The following DLGAP2 variants were observed in gnomAD, a reference collection of about 807,000 sequenced individuals.
DLGAP2 encodes the protein DLG associated protein 2.
Under a neutral mutation model 100.3 loss-of-function variants are expected in DLGAP2, and 26 were observed. The ratio of observed to expected loss-of-function variants is 0.26; its 90% CI spans 0.19 to 0.36. The LOEUF (loss-of-function observed/expected upper bound fraction) is 0.36, where lower values mean the gene tolerates loss of function less well. Among genes scored for constraint, DLGAP2 ranks in the 10% least tolerant of loss-of-function variants. The probability of loss-of-function intolerance (pLI) is 1.00; values close to 1 mark genes in which losing one functional copy is unlikely to be tolerated. For missense variants in DLGAP2, 1,858 were observed against 1,453.2 expected (o/e 1.28, Z -4.53); for synonymous variants, 886 against 630.1 (o/e 1.41, Z -6.08).
intron 8 of DLGAP2, among the ~76,000 whole-genome samples, chr8:1,663,978 G>A (rs1194243387): frequency 2.0e-5 from 3 of 152,202 alleles, no homozygotes; most frequent in Non-Finnish European, 4.4e-5. Context: ...AGAGGAGCCT[G>A]CAGACCGCTG....
intron 3 of DLGAP2, among the ~76,000 whole-genome samples, chr8:1,432,868 G>C (rs1797492723): frequency 6.6e-6 from 1 of 152,220 alleles, no homozygotes; most frequent in South Asian, 2.1e-4. Context: ...TCCTGACACA[G>C]ACTGGCCGAG....
chr8:1,629,593 T>C (rs1420286689), intron 7 of DLGAP2, among the ~76,000 whole-genome samples: 1 of 152,248 alleles, frequency 6.6e-6, no homozygotes, highest in Non-Finnish European at 1.5e-5. Context: ...TTTTAACAAC[T>C]TGCTCCATAC....
chr8:1,555,585 T>C (rs1051766619), intron 5 of DLGAP2, among the ~76,000 whole-genome samples: 3 of 152,294 alleles, frequency 2.0e-5, no homozygotes, highest in South Asian at 2.1e-4. Flanking sequence ...TCAGGGACCG[T>C]CTGCAGGAGT....
intron 4 of DLGAP2, among the ~76,000 whole-genome samples, chr8:1,523,440 C>G (rs1373002965): frequency 6.6e-6 from 1 of 152,248 alleles, no homozygotes; most frequent in Admixed American, 6.5e-5. Flanking sequence ...AGCCATGCCC[C>G]CACGCAGACA....
Position 1,701,431 on chromosome 8 carries a change from C to A in DLGAP2, c.*25C>A, listed in dbSNP as rs376975823. 1 of 1,554,236 alleles carries A rather than the reference C, an allele frequency of 6.4e-7. No homozygotes were observed. Among genetic ancestry groups the A allele is most frequent in the South Asian group, 1.2e-5 (1 of 84,712 alleles). On this transcript the variant is annotated 3_prime_UTR_variant, in exon 15 of 15. Transcript: ENST00000637795. ...AGGGCGGAGGCCGGCGCCTTCCCCT[C>A]GTCGCTTCCGCTTTCCCGGACGCTT...
At chr8:928,451 G>A (rs1361341822) in intron 2 of DLGAP2, among the ~76,000 whole-genome samples, 1 of 152,142 alleles carries the variant, frequency 6.6e-6, no homozygotes, top group Non-Finnish European at 1.5e-5. Flanking sequence ...TCATGGAAGA[G>A]GAATGAGGAA....
chr8:1,470,793 G>T (rs1299878938), intron 3 of DLGAP2, among the ~76,000 whole-genome samples: 1 of 65,918 alleles, frequency 1.5e-5, no homozygotes. Flanking sequence ...AGCCTTTCCC[G>T]ACCCCTCCAG....
At chr8:1,133,605 G>A (rs907705072) in intron 2 of DLGAP2, among the ~76,000 whole-genome samples, 2 of 152,106 alleles carry the variant, frequency 1.3e-5, no homozygotes, top group African/African-American at 4.8e-5. Flanking sequence ...CAAACACTTT[G>A]CTCACCAAGT....
chr8:1,430,510 C>A (rs1180755919), intron 3 of DLGAP2, among the ~76,000 whole-genome samples: 1 of 152,122 alleles, frequency 6.6e-6, no homozygotes, highest in African/African-American at 2.4e-5. Context: ...GTTTGCAAAG[C>A]CTAGGTCTAC....
At chr8:1,506,299 A>G (rs73538588) in intron 4 of DLGAP2, among the ~76,000 whole-genome samples, 9,345 of 152,248 alleles carry the variant, frequency 0.061, 984 homozygotes, top group African/African-American at 0.21. Flanking sequence ...TATTTTCTTC[A>G]GGGAAATTTA....
intron 3 of DLGAP2, among the ~76,000 whole-genome samples, chr8:1,353,479 T>C (rs968902562): frequency 1.3e-5 from 2 of 152,222 alleles, no homozygotes; most frequent in Non-Finnish European, 1.5e-5. Context: ...CTTGCCCCGC[T>C]GCAGGCTCAT....
chr8:1,183,970 A>C (rs1212207934), intron 2 of DLGAP2, among the ~76,000 whole-genome samples: 1 of 152,224 alleles, frequency 6.6e-6, no homozygotes, highest in African/African-American at 2.4e-5. Context: ...TGTAAAAATG[A>C]TATTTGGCCA....
intron 3 of DLGAP2, among the ~76,000 whole-genome samples, chr8:1,385,989 G>T (rs1796210801): frequency 6.6e-6 from 1 of 152,252 alleles, no homozygotes; most frequent in African/African-American, 2.4e-5. Context: ...CTGAAGATTG[G>T]AGCAATTCCC....
chr8:1,087,866 G>A, intron 2 of DLGAP2, among the ~76,000 whole-genome samples: 1 of 152,206 alleles, frequency 6.6e-6, no homozygotes, highest in Non-Finnish European at 1.5e-5. Context: ...CAAAGCTCTG[G>A]ATCCTTCTGC....
intron 3 of DLGAP2, among the ~76,000 whole-genome samples, chr8:1,345,882 A>G (rs991991003): frequency 2.0e-5 from 3 of 152,158 alleles, no homozygotes; most frequent in Admixed American, 6.5e-5. Flanking sequence ...TGGTTGCCCT[A>G]TAGGAAGGAA....
At chr8:1,698,823 G>A (rs1027966763) in intron 14 of DLGAP2, among the ~76,000 whole-genome samples, 4 of 151,228 alleles carry the variant, frequency 2.6e-5, no homozygotes, top group Non-Finnish European at 4.4e-5. Context: ...GTCCACATAA[G>A]CCATGCAGGG....
At chr8:1,116,023 C>T (rs897467026) in intron 2 of DLGAP2, among the ~76,000 whole-genome samples, 2 of 152,202 alleles carry the variant, frequency 1.3e-5, no homozygotes, top group Non-Finnish European at 2.9e-5. Flanking sequence ...CCATTCACTC[C>T]GTCAGACGTG....
chr8:1,511,967 C>T (rs555549492), intron 4 of DLGAP2, among the ~76,000 whole-genome samples: 3 of 152,342 alleles, frequency 2.0e-5, no homozygotes, highest in Non-Finnish European at 2.9e-5. Context: ...TACCACCACT[C>T]GGGTTTGGTA....
rs141469812 is a variant in DLGAP2 at position 1,307,829 on chromosome 8, C to G, written c.106+48946C>G. Among the ~76,000 whole-genome samples, 1,045 of 152,166 alleles carry G rather than the reference C, an allele frequency of 6.9e-3. 16 individuals carry two copies. Among genetic ancestry groups the G allele is most frequent in the African/African-American group, 0.024 (990 of 41,510 alleles). ...ACGAAAGCAGTCGAATTCATAAAGA[C>G]AGAAAGTAGAAAGGAGGCTGCCGGG... On this transcript the variant is annotated intron_variant, in intron 3 of 14. Coordinates refer to ENST00000637795, the MANE Select transcript of DLGAP2 (RefSeq NM_001346810.2).
Sources: gnomAD v4.1 joint callset for allele counts (sites outside exome capture counted in the v4.1 genomes callset) on GRCh38, gnomAD v4.1.1 for gene constraint, MANE v1.5 for transcripts, NCBI Gene and HGNC (gene_info 2026-07-23, HGNC 2026-07-21) for gene names.